The following TAFA5 variants were observed in gnomAD, a reference collection of about 807,000 sequenced individuals.
TAFA5 encodes chemokine-like protein TAFA-5.
In TAFA5, 6 loss-of-function variants were observed where a neutral mutation model predicts 15.3. That is an observed-to-expected ratio of 0.39 (90% CI 0.21 to 0.77). The LOEUF (loss-of-function observed/expected upper bound fraction) is 0.77, where lower values mean the gene tolerates loss of function less well. Among genes scored for constraint, TAFA5 ranks in the 30% least tolerant of loss-of-function variants. The probability of loss-of-function intolerance (pLI) is 0.41; values close to 1 mark genes in which losing one functional copy is unlikely to be tolerated. For missense variants in TAFA5, 161 were observed against 193.1 expected, an observed-to-expected ratio of 0.83 and a Z score of 0.98; for synonymous variants, 103 against 80.7, an observed-to-expected ratio of 1.28 and a Z score of -1.48.
intron 2 of TAFA5, among the ~76,000 whole-genome samples, chr22:48,695,992 G>A (rs993270716): frequency 2.0e-5 from 3 of 152,206 alleles, no homozygotes; most frequent in African/African-American, 7.2e-5. Flanking sequence ...TAGGCTGTTT[G>A]GGACTTCGAT....
chr22:48,698,911 C>G (rs1928812581), intron 2 of TAFA5, among the ~76,000 whole-genome samples: 1 of 148,242 alleles, frequency 6.7e-6, no homozygotes, highest in African/African-American at 2.5e-5. Flanking sequence ...CCCTGTTCCT[C>G]AGACCTAAGT....
chr22:48,652,368 G>T (rs538182830), intron 2 of TAFA5, among the ~76,000 whole-genome samples: 11 of 152,334 alleles, frequency 7.2e-5, no homozygotes, highest in Non-Finnish European at 1.5e-4. Context: ...GGCCCTGCCT[G>T]CCCCGTTCAT....
chr22:48,543,784 C>A (rs763506964), intron 1 of TAFA5: 1 of 152,408 alleles, frequency 6.6e-6, no homozygotes, highest in African/African-American at 2.4e-5. Context: ...AGGCTCTGGA[C>A]AGGCCAGGTG....
chr22:48,505,340 A>G (rs1308408259), intron 1 of TAFA5, among the ~76,000 whole-genome samples: 1 of 152,150 alleles, frequency 6.6e-6, no homozygotes, highest in Non-Finnish European at 1.5e-5. Context: ...GGGATCCATC[A>G]TCTACACAAA....
chr22:48,694,330 A>C (rs1044220932), intron 2 of TAFA5, among the ~76,000 whole-genome samples: 1 of 152,158 alleles, frequency 6.6e-6, no homozygotes, highest in Admixed American at 6.5e-5. Context: ...TAATACACAC[A>C]AATACGTAGA....
chr22:48,718,250 G>T (rs545148449), intron 3 of TAFA5, among the ~76,000 whole-genome samples: 1 of 152,334 alleles, frequency 6.6e-6, no homozygotes, highest in Admixed American at 6.5e-5. Context: ...CCCCTGCACA[G>T]CAGACACTGG....
At chr22:48,730,479 A>G (rs1929840697) in intron 3 of TAFA5, among the ~76,000 whole-genome samples, 1 of 152,162 alleles carries the variant, frequency 6.6e-6, no homozygotes, top group Non-Finnish European at 1.5e-5. Context: ...ACCTTGTTTT[A>G]TTGTACTCTG....
In TAFA5 at chr22:48,674,291, C is replaced by T. The variant is rs537523517; in HGVS notation, c.262+27545C>T. Reference sequence around the variant, plus strand: ...GGGCCTCCGGCATTGCTCGCCCCCACCTGCCCCAGCCAGAACTCGGGGCTC... The same window carrying T: ...GGGCCTCCGGCATTGCTCGCCCCCATCTGCCCCAGCCAGAACTCGGGGCTC... On this transcript the variant is annotated intron_variant, in intron 2 of 3. Coordinates refer to ENST00000402357, the MANE Select transcript of TAFA5 (RefSeq NM_001082967.3). Among the ~76,000 whole-genome samples, 57 of 152,246 alleles carry T rather than the reference C, an allele frequency of 3.7e-4. 1 individual carries two copies. In the Middle Eastern group the frequency reaches 0.021, roughly 55 times the overall value.
rs1219996092 is a variant in TAFA5 at position 48,552,922 on chromosome 22, T to C, written c.112+63218T>C. On this transcript the variant is annotated intron_variant, in intron 1 of 3. Transcript: ENST00000402357. This position sits in a 1 kb window ranked among gnomAD's most constrained non-coding sequence, Gnocchi z 4.1. ...GGCCCTGTCTGCATTCCCTGCAGAA[T>C]ACCCCAGAGACTCAGACCTGGGGCT... Among the ~76,000 whole-genome samples the C allele has an allele frequency of 1.3e-5, 2 of 152,058 alleles. No homozygotes were observed. The highest frequency in any genetic ancestry group is 2.9e-5 in the Non-Finnish European group (2 of 68,002).
chr22:48,562,059 G>A (rs1243914137), intron 1 of TAFA5, among the ~76,000 whole-genome samples: 7 of 152,132 alleles, frequency 4.6e-5, no homozygotes, highest in South Asian at 2.1e-4. Context: ...AGGTCCTGGC[G>A]CAGGGTAAGC....
chr22:48,614,049 C>T (rs1925509043), intron 1 of TAFA5, among the ~76,000 whole-genome samples: 1 of 152,224 alleles, frequency 6.6e-6, no homozygotes, highest in Non-Finnish European at 1.5e-5. Flanking sequence ...TATTTCCACC[C>T]TGCACTTGCG....
At chr22:48,496,245 G>T (rs1038394139) in intron 1 of TAFA5, among the ~76,000 whole-genome samples, 1 of 152,108 alleles carries the variant, frequency 6.6e-6, no homozygotes, top group African/African-American at 2.4e-5. Context: ...TTGGGGCATG[G>T]CTGCTGGCCT....
chr22:48,655,779 GTGT>G (rs1266621123), intron 2 of TAFA5, among the ~76,000 whole-genome samples: 1 of 150,582 alleles, frequency 6.6e-6, no homozygotes, highest in Non-Finnish European at 1.5e-5. Flanking sequence ...AGGAGGGACA[GTGT>G]GGTTGAAGGC....
intron 1 of TAFA5, among the ~76,000 whole-genome samples, chr22:48,546,341 G>C (rs1283970765): frequency 6.6e-6 from 1 of 152,212 alleles, no homozygotes. Flanking sequence ...AAGGTGGCCT[G>C]AGTCCACTGC....
At chr22:48,588,366 C>A (rs934721714) in intron 1 of TAFA5, among the ~76,000 whole-genome samples, 1 of 152,130 alleles carries the variant, frequency 6.6e-6, no homozygotes. Context: ...CGCCCGAGAA[C>A]CAGGTGCCCT....
At chr22:48,720,946 C>T (rs371227901) in intron 3 of TAFA5, among the ~76,000 whole-genome samples, 2 of 152,138 alleles carry the variant, frequency 1.3e-5, no homozygotes, top group African/African-American at 4.8e-5. Context: ...TGCCTCAGGC[C>T]CCCTCATGCA....
chr22:48,736,033 C>T lies in TAFA5; in HGVS notation c.391-13806C>T, dbSNP rs1209819824. 5.4e-5 allele frequency among the ~76,000 whole-genome samples: 3 copies of T among 55,758 alleles called. 1 individual carries two copies. Among genetic ancestry groups the T allele is most frequent in the Non-Finnish European group, 1.1e-4 (3 of 26,166 alleles). The allele number at this position is 55,758 out of a possible 152,430, so 36.6% of individuals were successfully genotyped here. A position where few individuals can be genotyped will look rare whatever the true frequency, so the allele number is the denominator to read the frequency against. ...CCCCCCAGGAGGAATGAGAATCGCA[C>T]TCCTAGGGTCCCTCCCCCCAGGAGG... On this transcript the variant is annotated intron_variant, in intron 3 of 3. Transcript: ENST00000402357.
At chr22:48,504,028 T>C (rs1920970248) in intron 1 of TAFA5, among the ~76,000 whole-genome samples, 1 of 152,212 alleles carries the variant, frequency 6.6e-6, no homozygotes, top group Non-Finnish European at 1.5e-5. Flanking sequence ...TAACCCAGGT[T>C]CCACCCCAGA....
intron 1 of TAFA5, among the ~76,000 whole-genome samples, chr22:48,609,216 G>C (rs1189039283): frequency 1.3e-5 from 2 of 152,224 alleles, no homozygotes; most frequent in Admixed American, 6.5e-5. Flanking sequence ...CAGCTCAGCA[G>C]GTTCCTGGGT....
Sources: gnomAD v4.1 joint callset for allele counts (sites outside exome capture counted in the v4.1 genomes callset) on GRCh38, gnomAD v4.1.1 for gene constraint, Gnocchi (gnomAD v3.1) non-coding constraint, MANE v1.5 for transcripts, NCBI Gene and HGNC (gene_info 2026-07-23, HGNC 2026-07-21) for gene names.